Variants in KCNH7 observed in about 807,000 individuals in gnomAD.
The protein encoded by KCNH7 is potassium voltage-gated channel subfamily H member 7.
KCNH7 carries 49 observed loss-of-function variants against 120.8 expected under a neutral mutation model. That is an observed-to-expected ratio of 0.41 (90% confidence interval 0.32 to 0.51). The LOEUF is 0.51. Ranked by LOEUF, KCNH7 falls within the 20% of genes least tolerant of loss-of-function variation. The pLI is 0.38. For synonymous variants in KCNH7, 547 were observed against 516.1 expected, an observed-to-expected ratio of 1.06 and a Z score of -0.81; for missense variants, 1,097 against 1,446.6, an observed-to-expected ratio of 0.76 and a Z score of 3.92.
At chr2:162,832,759 C>A (rs4667467) in intron 2 of KCNH7, among the ~76,000 whole-genome samples, 80,343 of 151,790 alleles carry the variant, frequency 0.53, 22,189 homozygotes, top group South Asian at 0.73. Flanking sequence ...CCTTGATTCA[C>A]AAAAACACAG....
chr2:162,787,390 G>T (rs1163809840), intron 2 of KCNH7, among the ~76,000 whole-genome samples: 1 of 152,012 alleles, frequency 6.6e-6, no homozygotes, highest in Non-Finnish European at 1.5e-5. Context: ...AGACTCAGTG[G>T]CTCCAGGCTC....
intron 2 of KCNH7, among the ~76,000 whole-genome samples, chr2:162,631,679 T>A (rs1322927083): frequency 6.6e-6 from 1 of 151,896 alleles, no homozygotes; most frequent in Non-Finnish European, 1.5e-5. Context: ...TGAAACATCA[T>A]AGAAAAAAAT....
Position 162,544,846 on chromosome 2 carries a change from C to T in KCNH7, c.308-7766G>A, listed in dbSNP as rs570497874. Among the ~76,000 whole-genome samples the T allele has an allele frequency of 2.0e-5, 3 of 152,228 alleles. No homozygotes were observed. In the East Asian group the frequency reaches 5.8e-4, roughly 29 times the overall value. On this transcript the variant is annotated intron_variant, in intron 2 of 15. Transcript: ENST00000332142. The stretch of plus-strand genomic sequence containing the variant: ...TATTCAGTCCTACATTGGCTCATGA[C>T]CGTTTTCCTTCTACCCTCCCTTTCA...
At chr2:162,404,915 A>G (rs967232029) in intron 9 of KCNH7, among the ~76,000 whole-genome samples, 1 of 152,000 alleles carries the variant, frequency 6.6e-6, no homozygotes, top group South Asian at 2.1e-4. Context: ...TAAAACAAAA[A>G]ATTACAGGGA....
chr2:162,742,485 G>A (rs1688171799), intron 2 of KCNH7, among the ~76,000 whole-genome samples: 1 of 151,942 alleles, frequency 6.6e-6, no homozygotes, highest in Non-Finnish European at 1.5e-5. Flanking sequence ...CTATGTTTTT[G>A]CACATTACAC....
chr2:162,654,094 T>A (rs1684660620), intron 2 of KCNH7, among the ~76,000 whole-genome samples: 1 of 151,518 alleles, frequency 6.6e-6, no homozygotes, highest in Admixed American at 6.6e-5. Flanking sequence ...AGCAATGATT[T>A]TTTTTTTTTG....
chr2:162,405,537 T>C (rs1687185884), intron 9 of KCNH7, among the ~76,000 whole-genome samples: 2 of 151,962 alleles, frequency 1.3e-5, no homozygotes, highest in African/African-American at 4.8e-5. Flanking sequence ...GTAAAACTTC[T>C]CTAAAATGTA....
At chr2:162,468,482 T>C (rs1036046413) in intron 6 of KCNH7, among the ~76,000 whole-genome samples, 1 of 151,558 alleles carries the variant, frequency 6.6e-6, no homozygotes, top group Non-Finnish European at 1.5e-5. Flanking sequence ...TTACTATTTC[T>C]ATATCTTGGG....
In KCNH7 at chr2:162,722,198, T is replaced by C. The variant is rs115761009; in HGVS notation, c.307+114339A>G. 6.2e-3 allele frequency among the ~76,000 whole-genome samples: 949 copies of C among 152,150 alleles called. 16 individuals are homozygous for C. The highest frequency in any genetic ancestry group is 0.022 in the African/African-American group (894 of 41,532). The stretch of plus-strand genomic sequence containing the variant: ...AAAGTTCAAAACATTAAAAATAGCA[T>C]AGTAAGTGTACTCAGATAGTTTAAG... On this transcript the variant is annotated intron_variant, in intron 2 of 15. Coordinates refer to ENST00000332142, the MANE Select transcript of KCNH7 (RefSeq NM_033272.4).
chr2:162,700,130 G>A (rs1048462464), intron 2 of KCNH7, among the ~76,000 whole-genome samples: 5 of 152,018 alleles, frequency 3.3e-5, no homozygotes, highest in South Asian at 2.1e-4. Context: ...AAAACTTTGA[G>A]TGCTCCTCAT....
chr2:162,444,038 G>T (rs1057321159), intron 7 of KCNH7, among the ~76,000 whole-genome samples: 6 of 152,096 alleles, frequency 3.9e-5, no homozygotes, highest in Non-Finnish European at 7.4e-5. Context: ...TCTCCTTACT[G>T]GCCTTTTGTA....
At chr2:162,395,651 C>T (rs898201606) in intron 11 of KCNH7, among the ~76,000 whole-genome samples, 3 of 151,626 alleles carry the variant, frequency 2.0e-5, no homozygotes, top group African/African-American at 7.3e-5. Context: ...AAAACCATTA[C>T]AAAAACATAT....
At chr2:162,546,958 T>C (rs11901316) in intron 2 of KCNH7, among the ~76,000 whole-genome samples, 11,981 of 152,088 alleles carry the variant, frequency 0.079, 1,604 homozygotes, top group African/African-American at 0.27. Flanking sequence ...GCTGTATTAG[T>C]CCATTCTCAC....
chr2:162,720,331 A>T, intron 2 of KCNH7, among the ~76,000 whole-genome samples: 1 of 145,384 alleles, frequency 6.9e-6, no homozygotes, highest in Non-Finnish European at 1.5e-5. Context: ...AAAGAGAGAG[A>T]GAGGGAGAGA....
intron 10 of KCNH7, among the ~76,000 whole-genome samples, chr2:162,398,567 TA>T (rs1449953341): frequency 2.6e-5 from 4 of 151,872 alleles, no homozygotes; most frequent in Non-Finnish European, 5.9e-5. Context: ...TTATTGTTTT[TA>T]AAAAAGACCT....
intron 2 of KCNH7, among the ~76,000 whole-genome samples, chr2:162,688,995 A>G (rs1047807724): frequency 6.6e-6 from 1 of 152,008 alleles, no homozygotes; most frequent in Non-Finnish European, 1.5e-5. Flanking sequence ...ACAGAGTTGT[A>G]AATCTAAGTA....
In KCNH7 at chr2:162,765,626, G is replaced by A. The variant is rs148590560; in HGVS notation, c.307+70911C>T. On this transcript the variant is annotated intron_variant, in intron 2 of 15. Coordinates refer to ENST00000332142, the MANE Select transcript of KCNH7 (RefSeq NM_033272.4). ...TGAATTTAATAGAGGGGGTGATAAC[G>A]ACAAATTTAAGTGGTCATATTACTG... is the stretch of plus-strand genomic sequence containing the variant. Among the ~76,000 whole-genome samples, 754 of 152,212 alleles carry A rather than the reference G, an allele frequency of 5.0e-3. 9 individuals carry two copies. The highest frequency in any genetic ancestry group is 0.044 in the East Asian group (230 of 5,180).
chr2:162,493,128 C>T (rs1690378733), intron 6 of KCNH7, among the ~76,000 whole-genome samples: 1 of 152,000 alleles, frequency 6.6e-6, no homozygotes, highest in Non-Finnish European at 1.5e-5. Flanking sequence ...TCCAGGTATG[C>T]CTGCTTTTTG....
intron 9 of KCNH7, among the ~76,000 whole-genome samples, chr2:162,411,183 C>G (rs1462768847): frequency 1.3e-5 from 2 of 151,966 alleles, no homozygotes; most frequent in Non-Finnish European, 2.9e-5. Context: ...TTCAAAGTAG[C>G]AAAGACATGA....
Sources: gnomAD v4.1 joint callset for allele counts (sites outside exome capture counted in the v4.1 genomes callset) on GRCh38, gnomAD v4.1.1 for gene constraint, MANE v1.5 for transcripts, NCBI Gene and HGNC (gene_info 2026-07-23, HGNC 2026-07-21) for gene names.